The following EML1 variants were observed in gnomAD, a reference collection of about 807,000 sequenced individuals.
The protein encoded by EML1 is echinoderm microtubule-associated protein-like 1.
Under a neutral mutation model 110.4 loss-of-function variants are expected in EML1, and 27 were observed. That is an observed-to-expected ratio of 0.24 (90% confidence interval 0.18 to 0.34). The LOEUF (loss-of-function observed/expected upper bound fraction) is 0.34. Ranked by LOEUF, EML1 falls within the 10% of genes least tolerant of loss-of-function variation. The pLI, the probability that EML1 is intolerant of heterozygous loss-of-function variation, is 1.00. For synonymous variants in EML1, 344 were observed against 385.8 expected (o/e 0.89, Z 1.27); for missense variants, 741 against 1,030.9 (o/e 0.72, Z 3.85).
chr14:99,780,378 G>T (rs762620844), intron 1 of EML1, among the ~76,000 whole-genome samples: 1 of 152,152 alleles, frequency 6.6e-6, no homozygotes, highest in African/African-American at 2.4e-5. Flanking sequence ...TGGGGAAGTA[G>T]GTTGCTGGTT....
In EML1 at chr14:99,784,466, T is replaced by C. The variant is rs1461335046; in HGVS notation, c.-27+10453T>C. On this transcript the variant is annotated intron_variant, in intron 1 of 22. Coordinates refer to the EML1 transcript ENST00000327921. This position sits in a 1 kb window ranked among gnomAD's most constrained non-coding sequence, Gnocchi z 4.5. The stretch of plus-strand genomic sequence containing the variant: ...TTCCCACTTCAGATACTTCAAAATA[T>C]GTAAATTCTTTTGATGGAGTCCAAT... Among the ~76,000 whole-genome samples the C allele has an allele frequency of 6.6e-6, 1 of 152,242 alleles. No homozygotes were observed. The highest frequency in any genetic ancestry group is 2.4e-5 in the African/African-American group (1 of 41,460).
intron 1 of EML1, among the ~76,000 whole-genome samples, chr14:99,755,755 G>C (rs553117196): frequency 1.3e-5 from 2 of 152,296 alleles, no homozygotes; most frequent in African/African-American, 4.8e-5. Flanking sequence ...GCCAACCCCC[G>C]CAAGGGGCAG....
intron 17 of EML1, among the ~76,000 whole-genome samples, chr14:99,924,294 C>G (rs559068377): frequency 6.6e-6 from 1 of 152,234 alleles, no homozygotes; most frequent in South Asian, 2.1e-4. Context: ...TATCCTATGA[C>G]CTTTCTAAAC....
intron 1 of EML1, among the ~76,000 whole-genome samples, chr14:99,845,444 C>T (rs956220126): frequency 2.6e-5 from 4 of 152,110 alleles, no homozygotes; most frequent in East Asian, 1.9e-4. Context: ...AAAAAGAGGA[C>T]GTGCACACAT....
chr14:99,769,452 C>A (rs926627924), upstream of EML1, among the ~76,000 whole-genome samples: 1 of 152,188 alleles, frequency 6.6e-6, no homozygotes, highest in African/African-American at 2.4e-5. Flanking sequence ...CCCTGAGTAA[C>A]CTTGGCCTCC....
At chr14:99,927,809 TGG>T (rs1315421919) in intron 17 of EML1, among the ~76,000 whole-genome samples, 3 of 1,390 alleles carry the variant, frequency 2.2e-3, no homozygotes, top group Admixed American at 0.018. Flanking sequence ...GTGGGGGGGG[TGG>T]GGGGGTGGTG....
rs566617742 is a variant in EML1 at position 99,866,391 on chromosome 14, G to A, written c.383+745G>A. Among the ~76,000 whole-genome samples the A allele has an allele frequency of 1.8e-4, 27 of 152,160 alleles. 1 individual carries two copies. Among genetic ancestry groups the A allele is most frequent in the African/African-American group, 6.5e-4 (27 of 41,522 alleles). Reference sequence around the variant, plus strand: ...TTCGAGACCAGCCTGACCAACAGGCGAAGCCCTATCTCTACTAAAAATACA... The same window carrying A: ...TTCGAGACCAGCCTGACCAACAGGCAAAGCCCTATCTCTACTAAAAATACA... On this transcript the variant is annotated intron_variant, in intron 3 of 21. Transcript: ENST00000262233.
chr14:99,815,898 T>C (rs1052469020), intron 1 of EML1, among the ~76,000 whole-genome samples: 15 of 152,198 alleles, frequency 9.9e-5, no homozygotes, highest in African/African-American at 3.6e-4. Context: ...TCCTGGAAGA[T>C]AGAAATCTGA....
chr14:99,761,915 ACT>A (rs1452362890), intron 1 of EML1, among the ~76,000 whole-genome samples: 1 of 91,364 alleles, frequency 1.1e-5, no homozygotes, highest in African/African-American at 3.9e-5. Context: ...ACAGAGTGAG[ACT>A]CTGTCTCAAA....
chr14:99,900,829 C>CA, intron 8 of EML1, 100 bp from the exon 9 acceptor site: 1 of 986,836 alleles, frequency 1.0e-6, no homozygotes, highest in Non-Finnish European at 1.6e-6. Context: ...TTTGTTTTGA[C>CA]AAAGTCCGAG....
chr14:99,854,949 G>A (rs184864688), intron 2 of EML1, among the ~76,000 whole-genome samples: 13 of 152,268 alleles, frequency 8.5e-5, no homozygotes, highest in Middle Eastern at 3.4e-3. Flanking sequence ...ACAAATGATG[G>A]ATGAGTAAGG....
intron 1 of EML1, among the ~76,000 whole-genome samples, chr14:99,780,771 G>A (rs189616153): frequency 6.6e-6 from 1 of 152,200 alleles, no homozygotes; most frequent in Non-Finnish European, 1.5e-5. Flanking sequence ...TATAATAGTT[G>A]CCTACGATAT....
chr14:99,738,162 G>A (rs772257230), intron 1 of EML1, among the ~76,000 whole-genome samples: 20 of 152,232 alleles, frequency 1.3e-4, no homozygotes, highest in Non-Finnish European at 2.1e-4. Flanking sequence ...CAGGGGCTGC[G>A]ACGGGACCCA....
At chr14:99,778,304 A>G (rs1033112834) in intron 1 of EML1, among the ~76,000 whole-genome samples, 1 of 152,218 alleles carries the variant, frequency 6.6e-6, no homozygotes, top group Admixed American at 6.5e-5. Flanking sequence ...GCCATATTGT[A>G]TGATTGAATT....
chr14:99,869,150 G>A lies in EML1; in HGVS notation c.383+3504G>A, dbSNP rs138043215. ...TCATTTTATTGTGTCTGGCTTTATT[G>A]TGCTTTAGAGATACCACATTTTTTT... is the stretch of plus-strand genomic sequence containing the variant. On this transcript the variant is annotated intron_variant, in intron 3 of 21. Coordinates refer to ENST00000262233, the MANE Select transcript of EML1 (RefSeq NM_004434.3). 1.1e-3 allele frequency among the ~76,000 whole-genome samples: 171 copies of A among 152,230 alleles called. 3 individuals carry two copies. Among genetic ancestry groups the A allele is most frequent in the Middle Eastern group, 3.4e-3 (1 of 294 alleles).
At chr14:99,849,809 G>A (rs7161254) in intron 1 of EML1, among the ~76,000 whole-genome samples, 106,241 of 151,768 alleles carry the variant, frequency 0.7, 37,336 homozygotes, top group African/African-American at 0.75. Context: ...TGGCCTCCCA[G>A]AGTGATGGGA....
intron 2 of EML1, among the ~76,000 whole-genome samples, chr14:99,863,101 A>G (rs571700543): frequency 2.6e-5 from 4 of 152,304 alleles, no homozygotes; most frequent in African/African-American, 9.6e-5. Context: ...TGCCGCTGCC[A>G]TCCTCCATCC....
At chr14:99,792,105 G>A (rs1406537512), upstream of EML1, among the ~76,000 whole-genome samples, 1 of 152,178 alleles carries the variant, frequency 6.6e-6, no homozygotes, top group Non-Finnish European at 1.5e-5. Flanking sequence ...ACTAACCCAT[G>A]CACTAACCGT....
At chr14:99,867,360 C>CA (rs1452150916) in intron 3 of EML1, among the ~76,000 whole-genome samples, 1 of 151,844 alleles carries the variant, frequency 6.6e-6, no homozygotes, top group African/African-American at 2.4e-5. Flanking sequence ...TCTATTTCTG[C>CA]AAAAAAATGC....
Sources: allele counts gnomAD v4.1 joint callset (sites outside exome capture counted in the v4.1 genomes callset), GRCh38; gene constraint gnomAD v4.1.1; non-coding constraint Gnocchi (gnomAD v3.1); transcripts MANE v1.5; gene names NCBI Gene and HGNC (gene_info 2026-07-23, HGNC 2026-07-21).